ASIC2: variants seen among roughly 807,000 people sequenced by gnomAD.
ASIC2 encodes the protein acid-sensing ion channel 2.
In ASIC2, 25 loss-of-function variants were observed where a neutral mutation model predicts 57.3. The observed-to-expected ratio is 0.44, with a 90% confidence interval of 0.32 to 0.61. ASIC2 has a LOEUF of 0.61. ASIC2 is among the 20% of genes least tolerant of loss of function. ASIC2 has a pLI of 0.06. For synonymous variants in ASIC2, 319 were observed against 307.5 expected (o/e 1.04, Z -0.39); for missense variants, 641 against 738.1 (o/e 0.87, Z 1.52).
chr17:34,055,810 A>G (rs1007074108), intron 1 of ASIC2, among the ~76,000 whole-genome samples: 3 of 152,236 alleles, frequency 2.0e-5, no homozygotes, highest in Non-Finnish European at 4.4e-5. Flanking sequence ...ATTTTTGGCT[A>G]ATGTAAATAA....
chr17:34,099,233 GAA>G (rs1185943527), intron 1 of ASIC2, among the ~76,000 whole-genome samples: 3 of 131,112 alleles, frequency 2.3e-5, no homozygotes, highest in Non-Finnish European at 4.7e-5. Context: ...AAAGAAAAAA[GAA>G]AGAGAGAAAG....
intron 1 of ASIC2, among the ~76,000 whole-genome samples, chr17:33,893,255 A>G (rs1342355653): frequency 1.3e-5 from 2 of 152,166 alleles, no homozygotes; most frequent in Non-Finnish European, 2.9e-5. Flanking sequence ...GGTCAAAAAC[A>G]AAGTAAATTA....
chr17:33,475,179 A>T lies in ASIC2; in HGVS notation c.556-363112T>A, dbSNP rs1326497654. ...TGGAACTCTCTGCTGCCCTTCGAAA[A>T]GTCATAACCTACCTAAACATTCAGA... On this transcript the variant is annotated intron_variant, in intron 1 of 9. Transcript: ENST00000359872. 2.0e-5 allele frequency among the ~76,000 whole-genome samples: 3 copies of T among 152,240 alleles called. No homozygotes were observed. The East Asian group carries it at 5.8e-4, about 29-fold the overall frequency.
At chr17:33,854,029 A>G (rs1458069337) in intron 1 of ASIC2, among the ~76,000 whole-genome samples, 2 of 152,228 alleles carry the variant, frequency 1.3e-5, no homozygotes, top group African/African-American at 4.8e-5. Flanking sequence ...CTATGATTTG[A>G]CAGCTATTCT....
chr17:33,311,428 C>CTGTG lies in ASIC2; in HGVS notation c.556-199365_556-199362dup, dbSNP rs34323667. Among the ~76,000 whole-genome samples the CTGTG allele has an allele frequency of 7.5e-3, 1,107 of 148,142 alleles. 5 individuals are homozygous for CTGTG. The highest frequency in any genetic ancestry group is 0.022 in the South Asian group (100 of 4,590). On this transcript the variant is annotated intron_variant, in intron 1 of 9. Transcript: ENST00000359872. ...TATGTGTGTGTGTCTGTCTGTCTAT[C>CTGTG]TGTGTGTGTGTGTGTGTGTGTGTGT...
intron 1 of ASIC2, among the ~76,000 whole-genome samples, chr17:33,540,247 G>C (rs1160303454): frequency 6.6e-6 from 1 of 152,114 alleles, no homozygotes; most frequent in Non-Finnish European, 1.5e-5. Context: ...GTACATGTCT[G>C]TCTCTATAAC....
At chr17:33,858,298 G>C (rs776716918) in intron 1 of ASIC2, among the ~76,000 whole-genome samples, 1 of 152,154 alleles carries the variant, frequency 6.6e-6, no homozygotes, top group Non-Finnish European at 1.5e-5. Flanking sequence ...GAAGCACAGC[G>C]AGTAATGCCT....
chr17:33,694,291 C>A (rs1270214079), intron 1 of ASIC2, among the ~76,000 whole-genome samples: 1 of 152,110 alleles, frequency 6.6e-6, no homozygotes, highest in Admixed American at 6.5e-5. Flanking sequence ...GCGTTCCATC[C>A]AATGGCTCCT....
intron 1 of ASIC2, among the ~76,000 whole-genome samples, chr17:33,754,094 C>T (rs987650503): frequency 3.9e-5 from 6 of 152,128 alleles, no homozygotes; most frequent in Non-Finnish European, 7.4e-5. Flanking sequence ...GTACTGATTC[C>T]CTTCCTCCAC....
At chr17:33,244,989 G>A (rs1234430107) in intron 1 of ASIC2, among the ~76,000 whole-genome samples, 8 of 152,196 alleles carry the variant, frequency 5.3e-5, no homozygotes, top group Admixed American at 6.5e-5. Context: ...TAACAAAAGC[G>A]TTAAACTGGG....
intron 1 of ASIC2, among the ~76,000 whole-genome samples, chr17:34,127,913 C>A (rs1254345643): frequency 2.0e-5 from 3 of 152,142 alleles, no homozygotes; most frequent in Non-Finnish European, 2.9e-5. Context: ...GCAAAGGAGA[C>A]TGGGCCTGCT....
intron 1 of ASIC2, among the ~76,000 whole-genome samples, chr17:33,518,307 G>A (rs1954930937): frequency 6.6e-6 from 1 of 152,180 alleles, no homozygotes; most frequent in Non-Finnish European, 1.5e-5. Flanking sequence ...ATGGAAGTGC[G>A]GGCGAAGGAG....
rs35909387 is a variant in ASIC2, at chr17:33,970,237, G to A, written c.555+185741C>T. Among the ~76,000 whole-genome samples, 635 of 152,282 alleles carry A rather than the reference G, an allele frequency of 4.2e-3. 7 individuals are homozygous for A. Among genetic ancestry groups the A allele is most frequent in the African/African-American group, 0.014 (601 of 41,552 alleles). On this transcript the variant is annotated intron_variant, in intron 1 of 9. Transcript: ENST00000359872. ...AACTTGTTTCCAGACATTATCAAAT[G>A]TCCCCTGGGTGGCAAAGTTGCCCCC...
At chr17:33,979,509 C>A (rs1261739926) in intron 1 of ASIC2, among the ~76,000 whole-genome samples, 1 of 152,154 alleles carries the variant, frequency 6.6e-6, no homozygotes, top group African/African-American at 2.4e-5. Flanking sequence ...GGAATCCACA[C>A]TGAATGTGAG....
At chr17:33,731,402 G>A (rs1302140194) in intron 1 of ASIC2, among the ~76,000 whole-genome samples, 1 of 152,154 alleles carries the variant, frequency 6.6e-6, no homozygotes, top group Non-Finnish European at 1.5e-5. Flanking sequence ...GTGAGTAGCA[G>A]AAAAGGTAGA....
intron 1 of ASIC2, among the ~76,000 whole-genome samples, chr17:33,350,897 T>C (rs1169026501): frequency 6.6e-6 from 1 of 152,170 alleles, no homozygotes; most frequent in Non-Finnish European, 1.5e-5. Context: ...AATCTCTCTT[T>C]CCTTAGAACG....
chr17:33,280,218 C>T (rs918809855), intron 1 of ASIC2, among the ~76,000 whole-genome samples: 11 of 152,018 alleles, frequency 7.2e-5, no homozygotes, highest in South Asian at 4.2e-4. Context: ...CATCCCCGGC[C>T]GGAATTATAA....
At chr17:34,072,555 T>A (rs1909455728) in intron 1 of ASIC2, among the ~76,000 whole-genome samples, 1 of 152,314 alleles carries the variant, frequency 6.6e-6, no homozygotes, top group South Asian at 2.1e-4. Flanking sequence ...ATGAAAAATA[T>A]ACAAACTAAT....
intron 1 of ASIC2, among the ~76,000 whole-genome samples, chr17:33,434,107 C>T (rs1008644598): frequency 6.6e-6 from 1 of 151,538 alleles, no homozygotes; most frequent in Non-Finnish European, 1.5e-5. Flanking sequence ...ATTACGAGAC[C>T]TCCTCTCAAA....
Sources: allele counts gnomAD v4.1 joint callset (sites outside exome capture counted in the v4.1 genomes callset), GRCh38; gene constraint gnomAD v4.1.1; transcripts MANE v1.5; gene names NCBI Gene and HGNC (gene_info 2026-07-23, HGNC 2026-07-21).